PTK2: variants seen among roughly 807,000 people sequenced by gnomAD.
PTK2 encodes focal adhesion kinase 1.
A neutral mutation model predicts 150.1 loss-of-function variants in PTK2; 45 were observed. That is an observed-to-expected ratio of 0.30 (90% CI 0.24 to 0.38). The LOEUF is 0.38. Ranked by LOEUF, PTK2 falls within the 10% of genes least tolerant of loss-of-function variation. The pLI, the probability that PTK2 is intolerant of heterozygous loss-of-function variation, is 1.00. For missense variants in PTK2, 919 were observed against 1,307.3 expected, an observed-to-expected ratio of 0.70 and a Z score of 4.58; for synonymous variants, 432 against 449.2, an observed-to-expected ratio of 0.96 and a Z score of 0.48.
At chr8:140,783,694 A>G (rs1300660148) in intron 14 of PTK2, among the ~76,000 whole-genome samples, 2 of 152,262 alleles carry the variant, frequency 1.3e-5, no homozygotes, top group Admixed American at 6.5e-5. Context: ...CAAAATACAA[A>G]TAACATTTAT....
intron 13 of PTK2, among the ~76,000 whole-genome samples, chr8:140,790,222 G>A (rs1488921522): frequency 1.3e-5 from 2 of 152,164 alleles, no homozygotes; most frequent in East Asian, 3.8e-4. Flanking sequence ...CTTTTTATAA[G>A]AGAAAACCTT....
intron 11 of PTK2, among the ~76,000 whole-genome samples, chr8:140,802,032 G>A (rs2100095356): frequency 6.6e-6 from 1 of 151,266 alleles, no homozygotes; most frequent in South Asian, 2.1e-4. Context: ...CTATGTTACT[G>A]GTTTATGTAT....
chr8:140,804,072 C>G (rs1400479026), intron 10 of PTK2, among the ~76,000 whole-genome samples: 1 of 152,182 alleles, frequency 6.6e-6, no homozygotes, highest in Non-Finnish European at 1.5e-5. Flanking sequence ...AATCCCCATG[C>G]ACCCTGGGCT....
At chr8:140,944,839 T>C (rs1156824062) in intron 1 of PTK2, among the ~76,000 whole-genome samples, 1 of 152,236 alleles carries the variant, frequency 6.6e-6, no homozygotes, top group Non-Finnish European at 1.5e-5. Context: ...TTGTGAACCT[T>C]ATTTCTTAGC....
At chr8:140,875,114 A>G (rs1218764342) in intron 4 of PTK2, among the ~76,000 whole-genome samples, 6 of 152,234 alleles carry the variant, frequency 3.9e-5, no homozygotes, top group Non-Finnish European at 7.3e-5. Flanking sequence ...GTAGGAGACC[A>G]CAGGAAAGCA....
chr8:140,749,402 G>GT (rs2100061404), intron 17 of PTK2, among the ~76,000 whole-genome samples: 1 of 152,176 alleles, frequency 6.6e-6, no homozygotes, highest in African/African-American at 2.4e-5. Context: ...TTCCTCAGAA[G>GT]TAATTATTAG....
intron 1 of PTK2, among the ~76,000 whole-genome samples, chr8:140,985,812 T>C (rs2100193072): frequency 6.6e-6 from 1 of 152,256 alleles, no homozygotes. Context: ...AAAACTGACA[T>C]ATTTGTAAGT....
In PTK2 at chr8:140,879,361, T is replaced by C. The variant is rs559410131; in HGVS notation, c.362+110A>G. The stretch of plus-strand genomic sequence containing the variant: ...ACGAATTTTATTTATACCAGAGTTG[T>C]AATGACAAGCAGTGTGAAAATTAAA... On this transcript the variant is annotated intron_variant, in intron 4 of 31. Transcript: ENST00000522684. The C allele has an allele frequency of 8.7e-6, 10 of 1,145,848 alleles. No individual in the cohort carries two copies. The African/African-American group carries it at 1.3e-4, about 15-fold the overall frequency. The allele number at this position is 1,145,848 out of a possible 1,614,324, so 71.0% of individuals were successfully genotyped here.
intron 25 of PTK2, 61 bp downstream of exon 28, chr8:140,702,509 C>T: frequency 6.3e-7 from 1 of 1,576,032 alleles, no homozygotes; most frequent in Non-Finnish European, 8.7e-7. Flanking sequence ...TGTAAGCCAC[C>T]ATGCCCAGCT....
At chr8:140,740,444 G>A (rs1384779336) in intron 20 of PTK2, among the ~76,000 whole-genome samples, 1 of 152,226 alleles carries the variant, frequency 6.6e-6, no homozygotes, top group Admixed American at 6.5e-5. Context: ...AGCATGTCAA[G>A]GGTCTGGACT....
intron 5 of PTK2, among the ~76,000 whole-genome samples, chr8:140,863,928 GTCTA>G (rs2100137785): frequency 6.6e-6 from 1 of 152,064 alleles, no homozygotes; most frequent in African/African-American, 2.4e-5. Flanking sequence ...TGTATTTATT[GTCTA>G]TCTAATGCCT....
At chr8:140,979,727 G>C (rs765657840) in intron 1 of PTK2, among the ~76,000 whole-genome samples, 10 of 152,130 alleles carry the variant, frequency 6.6e-5, no homozygotes, top group Non-Finnish European at 1.5e-4. Flanking sequence ...TCTTTCCCGT[G>C]ATGTTCTCGT....
intron 7 of PTK2, among the ~76,000 whole-genome samples, chr8:140,835,362 A>T (rs2100118094): frequency 6.6e-6 from 1 of 152,216 alleles, no homozygotes; most frequent in Non-Finnish European, 1.5e-5. Flanking sequence ...TCCCTCAAAT[A>T]CTTAAAACCC....
At chr8:140,888,431 T>C (rs1014243333) in intron 3 of PTK2, among the ~76,000 whole-genome samples, 3 of 152,210 alleles carry the variant, frequency 2.0e-5, no homozygotes, top group Non-Finnish European at 2.9e-5. Flanking sequence ...CCAACTGTGA[T>C]TTTTCTGCCT....
rs564734976 is a variant in PTK2 at position 140,792,604 on chromosome 8, G to A, written c.1124+750C>T. Among the ~76,000 whole-genome samples the A allele has an allele frequency of 5.9e-5, 9 of 152,348 alleles. No homozygotes were observed. In the South Asian group the frequency reaches 1.9e-3, roughly 32 times the overall value. Reference sequence around the variant, plus strand: ...AGCCCAGATAGCTAAACACGGGGGAGACACAGTGGGAAGGCAGTGAAGCAG... The same window carrying A: ...AGCCCAGATAGCTAAACACGGGGGAAACACAGTGGGAAGGCAGTGAAGCAG... On this transcript the variant is annotated intron_variant, in intron 13 of 31. Transcript: ENST00000522684.
At chr8:140,958,326 G>C (rs1030242758) in intron 1 of PTK2, among the ~76,000 whole-genome samples, 1 of 151,950 alleles carries the variant, frequency 6.6e-6, no homozygotes, top group South Asian at 2.1e-4. Context: ...TTAATTTTTT[G>C]TAGAGACAGG....
chr8:140,714,795 T>TTAAAAA (rs1437076494), intron 23 of PTK2, among the ~76,000 whole-genome samples: 1 of 9,826 alleles, frequency 1.0e-4, no homozygotes. Flanking sequence ...AGGCTCTGTC[T>TTAAAAA]CAAAAAAAAA....
intron 2 of PTK2, among the ~76,000 whole-genome samples, chr8:140,903,156 A>G (rs956676865): frequency 6.6e-6 from 1 of 151,854 alleles, no homozygotes; most frequent in African/African-American, 2.4e-5. Flanking sequence ...TAATTTTTGT[A>G]TAAGGTGTAA....
At chr8:140,936,238 G>C (rs2100173580) in intron 1 of PTK2, among the ~76,000 whole-genome samples, 1 of 152,110 alleles carries the variant, frequency 6.6e-6, no homozygotes, top group South Asian at 2.1e-4. Context: ...TCAATTGTGG[G>C]AAAACAAGAA....
Sources: gnomAD v4.1 joint callset for allele counts (sites outside exome capture counted in the v4.1 genomes callset) on GRCh38, gnomAD v4.1.1 for gene constraint, MANE v1.5 for transcripts, NCBI Gene and HGNC (gene_info 2026-07-23, HGNC 2026-07-21) for gene names.